PPP2R2B: variants seen among roughly 807,000 people sequenced by gnomAD.
PPP2R2B encodes protein phosphatase 2 regulatory subunit Bbeta, also known as serine/threonine-protein phosphatase 2A 55 kDa regulatory subunit B beta isoform.
In PPP2R2B, 5 loss-of-function variants were observed where a neutral mutation model predicts 46.0. The ratio of observed to expected loss-of-function variants is 0.11; its 90% CI spans 0.06 to 0.23. The LOEUF is 0.23. PPP2R2B is among the 10% of genes least tolerant of loss of function. PPP2R2B has a pLI of 1.00. For missense variants in PPP2R2B, 367 were observed against 575.0 expected (o/e 0.64, Z 3.70); for synonymous variants, 215 against 206.7 (o/e 1.04, Z -0.34).
intron 2 of PPP2R2B, among the ~76,000 whole-genome samples, chr5:146,768,073 G>C (rs1260021707): frequency 1.3e-5 from 2 of 151,572 alleles, no homozygotes; most frequent in African/African-American, 4.9e-5. Context: ...GTTAACAATT[G>C]GTTTTCTTTT....
chr5:146,744,206 T>A lies in PPP2R2B; in HGVS notation c.71-43064A>T, dbSNP rs538767904. Among the ~76,000 whole-genome samples, 6 of 152,224 alleles carry A rather than the reference T, an allele frequency of 3.9e-5. No individual in the cohort carries two copies. In the South Asian group the frequency reaches 1.2e-3, roughly 32 times the overall value. ...TGTTCCTGCATTTCCTCCCACACCA[T>A]CCCCTGCCCCCACCCTTTTAAATAA... On this transcript the variant is annotated intron_variant, in intron 2 of 9. Transcript: ENST00000394411.
At chr5:147,030,023 G>C (rs60459414) in intron 1 of PPP2R2B, among the ~76,000 whole-genome samples, 1 of 152,218 alleles carries the variant, frequency 6.6e-6, no homozygotes, top group African/African-American at 2.4e-5. Flanking sequence ...TAGCTTTTCA[G>C]TTTCCACAAA....
chr5:146,963,192 G>A (rs575635077), intron 1 of PPP2R2B, among the ~76,000 whole-genome samples: 33 of 152,090 alleles, frequency 2.2e-4, no homozygotes, highest in Non-Finnish European at 4.1e-4. Context: ...TTATAACCTG[G>A]TATCAAATCA....
chr5:147,011,366 A>G (rs1166673028), intron 1 of PPP2R2B, among the ~76,000 whole-genome samples: 3 of 152,088 alleles, frequency 2.0e-5, no homozygotes, highest in African/African-American at 7.2e-5. Context: ...TGTAAAAATT[A>G]TCACCCTTTA....
rs768206628 is a variant in PPP2R2B, at chr5:147,066,667, C to T, written c.50+14392G>A. On this transcript the variant is annotated intron_variant, in intron 2 of 10. Coordinates refer to the PPP2R2B transcript ENST00000394413. ...CAACTTTTCAATAAGTGTCAGGCACCGTATTAGACAAATAAGAAAGATATG... is the reference window on the plus strand; with the variant it reads ...CAACTTTTCAATAAGTGTCAGGCACTGTATTAGACAAATAAGAAAGATATG... Among the ~76,000 whole-genome samples the T allele has an allele frequency of 4.6e-5, 7 of 152,240 alleles. No homozygotes were observed. The East Asian group carries it at 1.3e-3, about 29-fold the overall frequency.
chr5:146,763,779 C>T (rs1184596656), intron 2 of PPP2R2B, among the ~76,000 whole-genome samples: 1 of 152,142 alleles, frequency 6.6e-6, no homozygotes, highest in African/African-American at 2.4e-5. Flanking sequence ...CTGGAATGCA[C>T]TGGTGCTATC....
chr5:147,009,117 T>C (rs1295803360), intron 1 of PPP2R2B, among the ~76,000 whole-genome samples: 1 of 152,196 alleles, frequency 6.6e-6, no homozygotes, highest in Admixed American at 6.5e-5. Context: ...GGAGAAATTG[T>C]TCTCATGATT....
intron 2 of PPP2R2B, among the ~76,000 whole-genome samples, chr5:146,871,956 G>A (rs547486593): frequency 6.6e-6 from 1 of 152,318 alleles, no homozygotes; most frequent in South Asian, 2.1e-4. Flanking sequence ...GAAATACCTA[G>A]GAAAATGCCT....
chr5:146,608,219 G>A (rs894618023), intron 7 of PPP2R2B, among the ~76,000 whole-genome samples: 3 of 152,086 alleles, frequency 2.0e-5, no homozygotes, highest in Non-Finnish European at 4.4e-5. Flanking sequence ...GGGACAGTGG[G>A]CCCCTAGGAC....
Position 146,638,240 on chromosome 5 carries a change from T to C in PPP2R2B, c.790+11A>G, listed in dbSNP as rs1035113541. 2 of 1,611,238 alleles carry C rather than the reference T, an allele frequency of 1.2e-6. No individual in the cohort carries two copies. Among genetic ancestry groups the C allele is most frequent in the Non-Finnish European group, 8.5e-7 (1 of 1,178,046 alleles). The stretch of plus-strand genomic sequence containing the variant: ...GGCCATGCCCCCCACCTCCCTTCAG[T>C]TGCTACTCACATTTGGTGTGCCTGT... On this transcript the variant is annotated intron_variant, in intron 7 of 9. Transcript: ENST00000394411.
At chr5:146,815,502 C>G (rs1044513071) in intron 2 of PPP2R2B, among the ~76,000 whole-genome samples, 2 of 152,192 alleles carry the variant, frequency 1.3e-5, no homozygotes, top group Non-Finnish European at 2.9e-5. Context: ...TTTAGAGTAC[C>G]TACTAGGGGT....
At chr5:146,877,704 C>T (rs1350862951) in intron 2 of PPP2R2B, among the ~76,000 whole-genome samples, 3 of 152,140 alleles carry the variant, frequency 2.0e-5, no homozygotes, top group Non-Finnish European at 4.4e-5. Flanking sequence ...GGGAAGGGGT[C>T]ATCTGCCTTC....
At chr5:146,961,321 T>C (rs2151841953) in intron 1 of PPP2R2B, among the ~76,000 whole-genome samples, 1 of 152,304 alleles carries the variant, frequency 6.6e-6, no homozygotes, top group South Asian at 2.1e-4. Flanking sequence ...AGAATAAAAT[T>C]CAAGAAGTTG....
upstream of PPP2R2B, among the ~76,000 whole-genome samples, chr5:147,058,058 G>A (rs868502169): frequency 4.6e-5 from 7 of 152,054 alleles, no homozygotes; most frequent in South Asian, 2.1e-4. Flanking sequence ...AATAATGAAA[G>A]TACAAACTCT....
chr5:146,954,210 T>C (rs1751767735), intron 1 of PPP2R2B, among the ~76,000 whole-genome samples: 1 of 152,014 alleles, frequency 6.6e-6, no homozygotes, highest in Non-Finnish European at 1.5e-5. Flanking sequence ...GAAGGTGTTT[T>C]CTTGGTATTA....
intron 2 of PPP2R2B, among the ~76,000 whole-genome samples, chr5:146,851,616 C>T (rs1760354365): frequency 6.6e-6 from 1 of 151,976 alleles, no homozygotes; most frequent in Non-Finnish European, 1.5e-5. Flanking sequence ...TGTTTTAATG[C>T]CATGGTTTCC....
At chr5:146,791,203 C>A (rs1287790585) in intron 2 of PPP2R2B, among the ~76,000 whole-genome samples, 1 of 152,076 alleles carries the variant, frequency 6.6e-6, no homozygotes, top group Non-Finnish European at 1.5e-5. Context: ...GGGAATTTTA[C>A]AACTGTCACA....
At chr5:146,618,564 T>C (rs1042284468) in intron 7 of PPP2R2B, among the ~76,000 whole-genome samples, 2 of 152,232 alleles carry the variant, frequency 1.3e-5, no homozygotes, top group African/African-American at 4.8e-5. Context: ...AGTTCATGAA[T>C]TCCCCCTTCA....
intron 2 of PPP2R2B, among the ~76,000 whole-genome samples, chr5:146,821,364 C>T (rs1327680159): frequency 2.0e-5 from 3 of 152,174 alleles, no homozygotes; most frequent in African/African-American, 7.2e-5. Context: ...TTAATGCCCC[C>T]TTGAAGCTCT....
Sources: allele counts gnomAD v4.1 joint callset (sites outside exome capture counted in the v4.1 genomes callset), GRCh38; gene constraint gnomAD v4.1.1; transcripts MANE v1.5; gene names NCBI Gene and HGNC (gene_info 2026-07-23, HGNC 2026-07-21).